The following SUMF1 variants were observed in gnomAD, a reference collection of about 807,000 sequenced individuals.
SUMF1 encodes sulfatase modifying factor 1.
In SUMF1, 48 loss-of-function variants were observed where a neutral mutation model predicts 47.6. The observed-to-expected ratio is 1.01, with a 90% CI of 0.80 to 1.28. The LOEUF (loss-of-function observed/expected upper bound fraction) is 1.28, where lower values mean the gene tolerates loss of function less well. Ranked by LOEUF, SUMF1 falls within the 50% of genes most tolerant of loss-of-function variation. The pLI, the probability that SUMF1 is intolerant of heterozygous loss-of-function variation, is 0.00. For synonymous variants in SUMF1, 230 were observed against 192.1 expected (o/e 1.20, Z -1.63); for missense variants, 571 against 485.4 (o/e 1.18, Z -1.66).
intron 8 of SUMF1, among the ~76,000 whole-genome samples, chr3:4,123,660 C>A (rs1199970090): frequency 6.6e-6 from 1 of 152,022 alleles, no homozygotes; most frequent in East Asian, 1.9e-4. Context: ...GAGAAAAGAC[C>A]CCTGACCTAG....
At chr3:4,355,754 G>A (rs543869719) in intron 8 of SUMF1, among the ~76,000 whole-genome samples, 36 of 152,176 alleles carry the variant, frequency 2.4e-4, no homozygotes, top group Non-Finnish European at 4.7e-4. Flanking sequence ...CCCAAGGGCG[G>A]GAGAGCAATC....
chr3:4,050,726 C>A (rs548502643), intron 9 of SUMF1, among the ~76,000 whole-genome samples: 7 of 112,076 alleles, frequency 6.2e-5, no homozygotes, highest in South Asian at 5.8e-4. Flanking sequence ...TCAGCCTGGG[C>A]AACCAGAGTG....
At chr3:4,210,504 TCAAAGGGGAA>T (rs1441908903) in intron 8 of SUMF1, among the ~76,000 whole-genome samples, 1 of 152,140 alleles carries the variant, frequency 6.6e-6, no homozygotes, top group Admixed American at 6.5e-5. Flanking sequence ...CCACTGAAGT[TCAAAGGGGAA>T]AGAACGACCC....
chr3:4,072,830 C>A (rs1400903976), intron 8 of SUMF1, among the ~76,000 whole-genome samples: 9 of 152,066 alleles, frequency 5.9e-5, no homozygotes, highest in African/African-American at 1.7e-4. Context: ...AAATATGGGA[C>A]TATGTGAAAA....
intron 1 of SUMF1, among the ~76,000 whole-genome samples, chr3:4,456,774 A>ATATATACGTGTGTGTGTATATATACGTG (rs2079634811): frequency 5.7e-5 from 1 of 17,620 alleles, no homozygotes; most frequent in Non-Finnish European, 1.1e-4. Flanking sequence ...ATATATACAC[A>ATATATACGTGTGTGTGTATATATACGTG]TATATACGTG....
intron 8 of SUMF1, among the ~76,000 whole-genome samples, chr3:4,226,025 T>C (rs1340779944): frequency 1.3e-5 from 2 of 152,070 alleles, no homozygotes; most frequent in East Asian, 3.9e-4. Flanking sequence ...TTCCAGGTCA[T>C]AAAGATGACT....
chr3:4,441,416 TATAA>T (rs1165205843), intron 3 of SUMF1, among the ~76,000 whole-genome samples: 1 of 152,200 alleles, frequency 6.6e-6, no homozygotes, highest in East Asian at 1.9e-4. Context: ...GTAATAATAA[TATAA>T]ATAAAGTACA....
chr3:4,127,499 A>G (rs1300481151), intron 8 of SUMF1, among the ~76,000 whole-genome samples: 2 of 152,204 alleles, frequency 1.3e-5, no homozygotes, highest in Admixed American at 1.3e-4. Context: ...GTGAAAAGAG[A>G]GACTAGCTTA....
chr3:4,295,500 G>A (rs1238050030), intron 8 of SUMF1, among the ~76,000 whole-genome samples: 1 of 151,968 alleles, frequency 6.6e-6, no homozygotes, highest in African/African-American at 2.4e-5. Context: ...AAAAAATTCT[G>A]TTTATAGGTG....
intron 8 of SUMF1, among the ~76,000 whole-genome samples, chr3:4,340,475 A>G (rs1432813992): frequency 2.0e-5 from 3 of 152,206 alleles, no homozygotes; most frequent in Non-Finnish European, 4.4e-5. Context: ...TCTGAGCTGC[A>G]TGGGATAGGG....
intron 8 of SUMF1, among the ~76,000 whole-genome samples, chr3:4,091,255 G>A (rs1692780718): frequency 6.6e-6 from 1 of 151,960 alleles, no homozygotes; most frequent in South Asian, 2.1e-4. Context: ...GAACCTATTG[G>A]CTTTAAGTGA....
At chr3:4,323,440 G>A (rs932744537) in intron 8 of SUMF1, among the ~76,000 whole-genome samples, 1 of 152,128 alleles carries the variant, frequency 6.6e-6, no homozygotes, top group Non-Finnish European at 1.5e-5. Context: ...TTCTTTTGGG[G>A]GTAATGCAAC....
intron 7 of SUMF1, among the ~76,000 whole-genome samples, chr3:4,378,718 T>C (rs1382553105): frequency 1.3e-5 from 2 of 152,184 alleles, no homozygotes; most frequent in African/African-American, 4.8e-5. Context: ...AACTCTCCCA[T>C]GTAATGGCCA....
intron 8 of SUMF1, among the ~76,000 whole-genome samples, chr3:4,278,275 T>C (rs574258872): frequency 2.0e-5 from 3 of 152,226 alleles, no homozygotes; most frequent in Non-Finnish European, 2.9e-5. Context: ...ATAATCTTGA[T>C]ATATTGTACC....
intron 8 of SUMF1, among the ~76,000 whole-genome samples, chr3:4,131,963 G>A (rs1693801692): frequency 1.3e-5 from 2 of 152,092 alleles, no homozygotes; most frequent in South Asian, 2.1e-4. Context: ...AGGCCGACCT[G>A]GCTACAGCCA....
At chr3:4,118,156 T>A (rs66488527) in intron 8 of SUMF1, among the ~76,000 whole-genome samples, 48,377 of 151,866 alleles carry the variant, frequency 0.32, 8,509 homozygotes, top group Non-Finnish European at 0.4. Flanking sequence ...GACATAGGAA[T>A]GTTCTCCTGA....
At chr3:4,381,291 G>A (rs971902362) in intron 7 of SUMF1, among the ~76,000 whole-genome samples, 1 of 152,158 alleles carries the variant, frequency 6.6e-6, no homozygotes, top group Non-Finnish European at 1.5e-5. Flanking sequence ...AAGCTACGAG[G>A]ATGCAAAGGC....
intron 8 of SUMF1, among the ~76,000 whole-genome samples, chr3:4,283,353 G>A (rs535434747): frequency 6.6e-6 from 1 of 152,186 alleles, no homozygotes; most frequent in East Asian, 1.9e-4. Context: ...GAACTATTTG[G>A]CAGTCTGTGG....
At chr3:4,397,221 T>A (rs1701067481) in intron 7 of SUMF1, among the ~76,000 whole-genome samples, 1 of 152,228 alleles carries the variant, frequency 6.6e-6, no homozygotes, top group African/African-American at 2.4e-5. Context: ...AAGCAATGCA[T>A]GTTATACAGC....
Sources: allele counts gnomAD v4.1 joint callset (sites outside exome capture counted in the v4.1 genomes callset), GRCh38; gene constraint gnomAD v4.1.1; transcripts MANE v1.5; gene names NCBI Gene and HGNC (gene_info 2026-07-23, HGNC 2026-07-21).